TBCD: variants seen among roughly 807,000 people sequenced by gnomAD.
TBCD encodes the protein tubulin-specific chaperone D.
A neutral mutation model predicts 169.3 loss-of-function variants in TBCD; 105 were observed. The observed-to-expected ratio is 0.62, with a 90% confidence interval of 0.53 to 0.73. The LOEUF is 0.73. Among genes scored for constraint, TBCD ranks in the 30% least tolerant of loss-of-function variants. The pLI, the probability that TBCD is intolerant of heterozygous loss-of-function variation, is 0.00. For missense variants in TBCD, 1,444 were observed against 1,600.1 expected (o/e 0.90, Z 1.66); for synonymous variants, 700 against 643.9 (o/e 1.09, Z -1.32).
chr17:82,865,294 G>T (rs1181670593), intron 13 of TBCD, among the ~76,000 whole-genome samples: 1 of 152,176 alleles, frequency 6.6e-6, no homozygotes. Context: ...TGAAGGGAGG[G>T]TCTGCAGGGA....
intron 27 of TBCD, 115 bp downstream of exon 27, chr17:82,925,172 AG>A: frequency 7.0e-6 from 6 of 856,398 alleles, no homozygotes; most frequent in South Asian, 5.5e-5. Flanking sequence ...TGTAGCTGGG[AG>A]GGGGTTCCTG....
intron 9 of TBCD, among the ~76,000 whole-genome samples, chr17:82,803,432 G>A (rs1598596547): frequency 3.9e-5 from 6 of 152,314 alleles, no homozygotes; most frequent in African/African-American, 1.4e-4. Context: ...GTCTCGCCTT[G>A]TGCTTCCTTA....
intron 24 of TBCD, chr17:82,921,058 C>T (rs2061395197): frequency 3.9e-6 from 1 of 259,658 alleles, no homozygotes; most frequent in Admixed American, 5.1e-5. Flanking sequence ...GCCCCCAGGG[C>T]TGTGGTGTCC....
At chr17:82,916,991 ATTCAGT>A (rs1005073448) in intron 23 of TBCD, among the ~76,000 whole-genome samples, 4 of 105,728 alleles carry the variant, frequency 3.8e-5, no homozygotes, top group African/African-American at 1.4e-4. Flanking sequence ...GTTTTGTCTT[ATTCAGT>A]TTGGACTTTT....
chr17:82,855,993 C>CTTTTTTTTTTT (rs60978063), intron 13 of TBCD, among the ~76,000 whole-genome samples: 21 of 66,270 alleles, frequency 3.2e-4, no homozygotes, highest in African/African-American at 5.6e-4. Flanking sequence ...TCCCCCCCCA[C>CTTTTTTTTTTT]TTTTTTTTTT....
intron 20 of TBCD, among the ~76,000 whole-genome samples, chr17:82,906,595 G>A (rs910625518): frequency 6.6e-6 from 1 of 152,248 alleles, no homozygotes; most frequent in African/African-American, 2.4e-5. Context: ...GTCGTCTTAC[G>A]TTTCTTCCCA....
At position 82,900,822 on chromosome 17, in the gene TBCD, A is replaced by G. The variant is rs1397829346; in HGVS notation, c.1730+91A>G. On this transcript the variant is annotated intron_variant, in intron 18 of 38. Coordinates refer to ENST00000355528, the MANE Select transcript of TBCD (RefSeq NM_005993.5). ...TTATAAGCCTTGAGTGTATTTTCTC[A>G]CTGTGGATGTCGTATTTTAAAATAA... The G allele has an allele frequency of 5.4e-6, 5 of 928,092 alleles. No individual in the cohort carries two copies. The Admixed American group carries it at 1.0e-4, about 19-fold the overall frequency. 57.5% of individuals were successfully genotyped at this position (928,092 alleles called of 1,614,324 possible).
chr17:82,939,403 T>C lies in TBCD; in HGVS notation c.3406T>C (p.Leu1136=). 2 of 1,613,440 alleles carry C rather than the reference T, an allele frequency of 1.2e-6. No homozygotes were observed. The highest frequency in any genetic ancestry group is 1.7e-6 in the Non-Finnish European group (2 of 1,179,824). Residue 1136 remains leucine (L), a synonymous_variant, in exon 37 of 39, where the codon TTG becomes CTG. Coordinates refer to ENST00000355528, the MANE Select transcript of TBCD (RefSeq NM_005993.5). ...CACGGCCAGCCAGGTGTACGAGACA[T>C]TGCTCACCTACAGTGACGTCGTGGG... ...KTTASQVYET[L]LTYSDVVGAD...
Position 82,945,767 on chromosome 17 carries a change from A to C in TBCD, c.*3304A>C, listed in dbSNP as rs573587519. 1 of 152,216 alleles carries C rather than the reference A, an allele frequency of 6.6e-6. No individual in the cohort carries two copies. Among genetic ancestry groups the C allele is most frequent in the Non-Finnish European group, 1.5e-5 (1 of 68,032 alleles). 9.4% of individuals were successfully genotyped at this position (152,216 alleles called of 1,614,324 possible). On this transcript the variant is annotated 3_prime_UTR_variant, in exon 39 of 39. Transcript: ENST00000355528. ...GACAAAAAGAAAAAAAAATGTCTCC[A>C]GACACTGCCAAATATCTTCTGGGGG...
At chr17:82,836,543 C>G (rs1399014060) in intron 13 of TBCD, among the ~76,000 whole-genome samples, 1 of 152,034 alleles carries the variant, frequency 6.6e-6, no homozygotes, top group Non-Finnish European at 1.5e-5. Flanking sequence ...CTTCAGTTTT[C>G]GAAGCCGCAT....
chr17:82,830,652 C>T, intron 13 of TBCD: 3 of 1,614,004 alleles, frequency 1.9e-6, no homozygotes, highest in Non-Finnish European at 2.5e-6. Context: ...GGTCCTTCAC[C>T]GAGAGATTGA....
chr17:82,853,113 T>A (rs2055945008), intron 13 of TBCD, among the ~76,000 whole-genome samples: 1 of 152,172 alleles, frequency 6.6e-6, no homozygotes, highest in Non-Finnish European at 1.5e-5. Flanking sequence ...AGGTTCTTGC[T>A]CTGTTGCCCA....
At position 82,826,926 on chromosome 17, in the gene TBCD, CCA is replaced by C. The variant is rs556416153; in HGVS notation, c.1318+11994_1318+11995del. 3.5e-3 allele frequency among the ~76,000 whole-genome samples: 536 copies of C among 152,254 alleles called. 7 individuals carry two copies. The highest frequency in any genetic ancestry group is 4.0e-3 in the Non-Finnish European group (272 of 68,016). The stretch of plus-strand genomic sequence containing the variant: ...AAGTAGCTGGGACCGCAGGTATGTG[CCA>C]CCACACCTGGCTGACTATTTTTATT... On this transcript the variant is annotated intron_variant, in intron 13 of 38. Transcript: ENST00000355528.
chr17:82,823,589 GC>G (rs1020770473), intron 13 of TBCD, among the ~76,000 whole-genome samples: 1 of 151,994 alleles, frequency 6.6e-6, no homozygotes, highest in Admixed American at 6.6e-5. Flanking sequence ...ACTGGTGGGG[GC>G]AGACGGCAGT....
At chr17:82,861,611 A>G (rs1461742928) in intron 13 of TBCD, among the ~76,000 whole-genome samples, 2 of 152,176 alleles carry the variant, frequency 1.3e-5, no homozygotes, top group African/African-American at 2.4e-5. Context: ...AGCCCTGTCC[A>G]TTGGAGCTGC....
chr17:82,936,804 G>C (rs1173475614), intron 34 of TBCD, among the ~76,000 whole-genome samples: 1 of 152,208 alleles, frequency 6.6e-6, no homozygotes, highest in East Asian at 1.9e-4. Context: ...TCAGCACCAA[G>C]CCTCAGCCCT....
intron 7 of TBCD, among the ~76,000 whole-genome samples, chr17:82,788,056 G>C (rs997816705): frequency 1.3e-5 from 2 of 152,132 alleles, no homozygotes; most frequent in African/African-American, 4.8e-5. Flanking sequence ...GGCCAACATG[G>C]TGAAACCCTG....
chr17:82,920,713 A>G lies in TBCD; in HGVS notation c.2101+95A>G, dbSNP rs1327672416. On this transcript the variant is annotated intron_variant, in intron 24 of 38. Transcript: ENST00000355528. This position sits in a 1 kb window ranked among gnomAD's most constrained non-coding sequence, Gnocchi z 4.1. ...CCTGTTAGGATGGGGGCGATAAACGATTATAGCTTAAAGGTTCAAGATATT... is the reference window on the plus strand; with the variant it reads ...CCTGTTAGGATGGGGGCGATAAACGGTTATAGCTTAAAGGTTCAAGATATT... The G allele has an allele frequency of 2.7e-6, 3 of 1,092,416 alleles. No homozygotes were observed. The highest frequency in any genetic ancestry group is 1.6e-5 in the African/African-American group (1 of 62,578). 67.7% of individuals were successfully genotyped at this position (1,092,416 alleles called of 1,614,324 possible). A position where few individuals can be genotyped will look rare whatever the true frequency, so the allele number is the denominator to read the frequency against.
intron 1 of TBCD, 115 bp from the exon 2 acceptor site, chr17:82,756,050 C>T: frequency 1.1e-6 from 1 of 897,138 alleles, no homozygotes; most frequent in Non-Finnish European, 1.8e-6. Flanking sequence ...CTCTTGAGAG[C>T]TGGGGAAGAG....
Sources: gnomAD v4.1 joint callset for allele counts (sites outside exome capture counted in the v4.1 genomes callset) on GRCh38, gnomAD v4.1.1 for gene constraint, Gnocchi (gnomAD v3.1) non-coding constraint, MANE v1.5 for transcripts, NCBI Gene and HGNC (gene_info 2026-07-23, HGNC 2026-07-21) for gene names.